PTPN14: variants seen among roughly 807,000 people sequenced by gnomAD.
PTPN14 encodes protein tyrosine phosphatase non-receptor type 14, also known as tyrosine-protein phosphatase non-receptor type 14.
In PTPN14, 53 loss-of-function variants were observed where a neutral mutation model predicts 126.8. That is an observed-to-expected ratio of 0.42 (90% CI 0.34 to 0.53). The LOEUF (loss-of-function observed/expected upper bound fraction) is 0.53, where lower values mean the gene tolerates loss of function less well. Among genes scored for constraint, PTPN14 ranks in the 20% least tolerant of loss-of-function variants. The pLI is 0.08. For missense variants in PTPN14, 1,257 were observed against 1,552.9 expected, an observed-to-expected ratio of 0.81 and a Z score of 3.20; for synonymous variants, 630 against 599.3, an observed-to-expected ratio of 1.05 and a Z score of -0.75.
At position 214,399,957 on chromosome 1, in the gene PTPN14, T is replaced by TA. The variant is rs199786051; in HGVS notation, c.669+1727dup. Reference sequence around the variant, plus strand: ...CTTACTCCTTCAAGGAAGCAAAATTTAAAAAAAAATATATCCTGAGGCTCA... The same window carrying TA: ...CTTACTCCTTCAAGGAAGCAAAATTTAAAAAAAAAATATATCCTGAGGCTCA... On this transcript the variant is annotated intron_variant, in intron 7 of 18. Transcript: ENST00000366956. Among the ~76,000 whole-genome samples the TA allele has an allele frequency of 9.2e-3, 1,391 of 151,576 alleles. 17 individuals are homozygous for TA. The highest frequency in any genetic ancestry group is 0.032 in the African/African-American group (1,315 of 41,324).
chr1:214,396,718 G>A lies in PTPN14; in HGVS notation c.758+1195C>T, dbSNP rs72757971. ...CTTATGCTCATGAAATTTCCAAATT[G>A]CAATTTTCTTCTATTTCACTTCAGT... is the stretch of plus-strand genomic sequence containing the variant. On this transcript the variant is annotated intron_variant, in intron 8 of 18. Coordinates refer to ENST00000366956, the MANE Select transcript of PTPN14 (RefSeq NM_005401.5). Among the ~76,000 whole-genome samples the A allele has an allele frequency of 5.0e-3, 755 of 152,276 alleles. 2 individuals are homozygous for A. The highest frequency in any genetic ancestry group is 0.01 in the Middle Eastern group (3 of 294).
intron 3 of PTPN14, among the ~76,000 whole-genome samples, chr1:214,449,510 T>A (rs1660224644): frequency 6.6e-6 from 1 of 152,208 alleles, no homozygotes; most frequent in African/African-American, 2.4e-5. Context: ...CCCTCATCAC[T>A]CATTACCTTG....
At chr1:214,371,819 T>G (rs12086431) in intron 16 of PTPN14, among the ~76,000 whole-genome samples, 4 of 152,072 alleles carry the variant, frequency 2.6e-5, no homozygotes, top group African/African-American at 9.7e-5. Context: ...TTTCTTCTAA[T>G]GGACTGTGCT....
chr1:214,451,890 C>T lies in PTPN14; in HGVS notation c.259G>A (p.Asp87Asn). 6.2e-7 allele frequency: 1 copy of T among 1,614,180 alleles called. No homozygotes were observed. Residue 87 changes from aspartate (D) to asparagine (N), a missense_variant, in exon 3 of 19, where the codon GAC becomes AAC. Transcript: ENST00000366956. ...AGCAAAGGCTCATTAGCGAATTTGT[C>T]CAGATGTTTCTTCAGAGGTTTCTCC... The part of the protein sequence containing the change: ...ELEKPLKKHL[D>N]KFANEPLLFF...
At chr1:214,435,132 A>C (rs1251198008) in intron 3 of PTPN14, among the ~76,000 whole-genome samples, 1 of 152,176 alleles carries the variant, frequency 6.6e-6, no homozygotes, top group Non-Finnish European at 1.5e-5. Context: ...CCCGTTATCA[A>C]AAGTGAAATT....
intron 16 of PTPN14, among the ~76,000 whole-genome samples, chr1:214,370,238 C>T (rs1658185187): frequency 6.6e-6 from 1 of 150,982 alleles, no homozygotes; most frequent in African/African-American, 2.4e-5. Context: ...CAAGATCACG[C>T]CACTGCACCC....
intron 2 of PTPN14, among the ~76,000 whole-genome samples, chr1:214,458,011 A>G (rs565287910): frequency 0.012 from 857 of 70,842 alleles, 9 homozygotes; most frequent in African/African-American, 0.031. Flanking sequence ...CTATATCTAT[A>G]TCTATATCTA....
At chr1:214,397,764 A>G in intron 8 of PTPN14, 149 bp downstream of exon 8, 1 of 595,238 alleles carries the variant, frequency 1.7e-6, no homozygotes, top group Non-Finnish European at 2.9e-6. Flanking sequence ...AACTGCTTAA[A>G]TCCTGCAGAG....
chr1:214,530,780 T>C (rs1196200463), intron 1 of PTPN14: 2 of 145,604 alleles, frequency 1.4e-5, no homozygotes, highest in Non-Finnish European at 3.0e-5. Flanking sequence ...ACGAGTACGA[T>C]AACCTTTTAA....
At chr1:214,473,705 G>A (rs1054456859) in intron 1 of PTPN14, among the ~76,000 whole-genome samples, 12 of 152,056 alleles carry the variant, frequency 7.9e-5, no homozygotes, top group African/African-American at 2.9e-4. Context: ...ATTTTCCTAA[G>A]GAAAGGCTAA....
chr1:214,399,201 C>A (rs931648972), intron 7 of PTPN14, among the ~76,000 whole-genome samples: 1 of 152,218 alleles, frequency 6.6e-6, no homozygotes, highest in Non-Finnish European at 1.5e-5. Flanking sequence ...CATTTCTCAC[C>A]CATGAGTAGA....
intron 3 of PTPN14, among the ~76,000 whole-genome samples, chr1:214,423,719 GC>G (rs1659594927): frequency 1.3e-5 from 2 of 151,230 alleles, no homozygotes; most frequent in Admixed American, 6.6e-5. Context: ...TGTGGCTCAT[GC>G]CTGTAAACCC....
intron 1 of PTPN14, among the ~76,000 whole-genome samples, chr1:214,516,407 T>G (rs1043330463): frequency 4.6e-5 from 7 of 152,186 alleles, no homozygotes; most frequent in African/African-American, 1.7e-4. Flanking sequence ...GTGAGAGACA[T>G]TGCTGTTCCC....
At chr1:214,534,857 T>C (rs1226734612) in intron 1 of PTPN14, among the ~76,000 whole-genome samples, 2 of 152,080 alleles carry the variant, frequency 1.3e-5, no homozygotes, top group Non-Finnish European at 2.9e-5. Flanking sequence ...ACCCAGTGAG[T>C]CTTGGCTTGG....
chr1:214,417,708 G>A (rs979523272), intron 3 of PTPN14, among the ~76,000 whole-genome samples: 3 of 152,160 alleles, frequency 2.0e-5, no homozygotes, highest in Non-Finnish European at 4.4e-5. Context: ...TTCTCAGAGT[G>A]AGCAGGTCCG....
intron 1 of PTPN14, among the ~76,000 whole-genome samples, chr1:214,520,586 T>C (rs1351474168): frequency 6.6e-6 from 1 of 152,154 alleles, no homozygotes; most frequent in Non-Finnish European, 1.5e-5. Flanking sequence ...ATTACCTTCC[T>C]CATGAAACTC....
At chr1:214,508,003 A>G (rs1327793880) in intron 1 of PTPN14, among the ~76,000 whole-genome samples, 1 of 152,164 alleles carries the variant, frequency 6.6e-6, no homozygotes, top group Non-Finnish European at 1.5e-5. Flanking sequence ...AAGAAAAAAA[A>G]AAATACTGTA....
chr1:214,438,319 A>G (rs989771673), intron 3 of PTPN14, among the ~76,000 whole-genome samples: 2 of 151,928 alleles, frequency 1.3e-5, no homozygotes, highest in African/African-American at 4.8e-5. Context: ...GCCTTCCTAC[A>G]CTCGGCACAG....
chr1:214,407,877 G>A (rs1157813566), intron 5 of PTPN14, among the ~76,000 whole-genome samples: 1 of 152,136 alleles, frequency 6.6e-6, no homozygotes, highest in Non-Finnish European at 1.5e-5. Context: ...ACTCAAAGGA[G>A]CCCATGCATT....
Sources: allele counts gnomAD v4.1 joint callset (sites outside exome capture counted in the v4.1 genomes callset), GRCh38; gene constraint gnomAD v4.1.1; transcripts MANE v1.5; gene names NCBI Gene and HGNC (gene_info 2026-07-23, HGNC 2026-07-21).